Variants in SPCS2 observed in about 807,000 individuals in gnomAD.
The protein encoded by SPCS2 is SPase 25 kDa subunit.
SPCS2 carries 3 observed loss-of-function variants against 22.3 expected under a neutral mutation model. The ratio of observed to expected loss-of-function variants is 0.13; its 90% CI spans 0.06 to 0.35. The LOEUF is 0.35. SPCS2 is among the 10% of genes least tolerant of loss of function. SPCS2 has a pLI of 1.00. For missense variants in SPCS2, 169 were observed against 280.9 expected (o/e 0.60, Z 2.85); for synonymous variants, 67 against 97.2 (o/e 0.69, Z 1.83).
At chr11:74,956,263 A>T (rs1003195675) in intron 1 of SPCS2, among the ~76,000 whole-genome samples, 1 of 152,066 alleles carries the variant, frequency 6.6e-6, no homozygotes, top group Non-Finnish European at 1.5e-5. Context: ...TGACTTCTAC[A>T]TTTATATTCT....
chr11:74,961,513 G>T (rs559394204), intron 1 of SPCS2, among the ~76,000 whole-genome samples: 26 of 151,022 alleles, frequency 1.7e-4, no homozygotes, highest in Non-Finnish European at 2.7e-4. Flanking sequence ...CAGTCAGCTT[G>T]TTTTTTGTTG....
At position 74,951,140 on chromosome 11, in the gene SPCS2, G is replaced by A. The variant is rs967315411; in HGVS notation, c.114+1741G>A. 5.9e-5 allele frequency among the ~76,000 whole-genome samples: 9 copies of A among 152,176 alleles called. No individual in the cohort carries two copies. In the South Asian group the frequency reaches 6.2e-4, roughly 11 times the overall value. ...CACCATTGTGTTATTGAAAGAACCC[G>A]GATGTGGGGATCATAAGATTTCAGC... On this transcript the variant is annotated intron_variant, in intron 1 of 4. Transcript: ENST00000263672.
At chr11:74,974,122 T>A (rs942350596) in intron 4 of SPCS2, among the ~76,000 whole-genome samples, 1 of 151,730 alleles carries the variant, frequency 6.6e-6, no homozygotes, top group African/African-American at 2.4e-5. Flanking sequence ...TTTTTTTTTT[T>A]AACTAGGCTT....
At chr11:74,954,518 C>T (rs1329260330) in intron 1 of SPCS2, among the ~76,000 whole-genome samples, 1 of 152,196 alleles carries the variant, frequency 6.6e-6, no homozygotes, top group African/African-American at 2.4e-5. Flanking sequence ...TAGGTATCTC[C>T]TCTTTTACTC....
intron 3 of SPCS2, among the ~76,000 whole-genome samples, chr11:74,969,132 CTT>C (rs776437408): frequency 2.0e-5 from 3 of 152,234 alleles, no homozygotes; most frequent in Non-Finnish European, 4.4e-5. Flanking sequence ...GACATACTCT[CTT>C]ATAGTAAACT....
intron 1 of SPCS2, among the ~76,000 whole-genome samples, chr11:74,952,085 CTG>C (rs916600985): frequency 1.3e-5 from 2 of 152,078 alleles, no homozygotes; most frequent in African/African-American, 4.8e-5. Flanking sequence ...GGTTTTGAGA[CTG>C]TGTAAAGTGG....
intron 1 of SPCS2, among the ~76,000 whole-genome samples, chr11:74,955,144 T>C (rs899929902): frequency 6.6e-5 from 10 of 152,170 alleles, no homozygotes; most frequent in Admixed American, 6.5e-4. Context: ...TAAAATGTGG[T>C]GGCACTCTTG....
Position 74,965,935 on chromosome 11 carries a change from T to C in SPCS2, c.359+12T>C. ...TTGTGTGTCATATCATATCCTTTATTTATGCTCAGGTTGTTTTCTAGTGAC... is the reference window on the plus strand; with the variant it reads ...TTGTGTGTCATATCATATCCTTTATCTATGCTCAGGTTGTTTTCTAGTGAC... On this transcript the variant is annotated intron_variant, in intron 3 of 4. Transcript: ENST00000263672. 6.3e-7 allele frequency: 1 copy of C among 1,592,772 alleles called. No homozygotes were observed. Among genetic ancestry groups the C allele is most frequent in the Non-Finnish European group, 8.5e-7 (1 of 1,171,844 alleles).
intron 2 of SPCS2, 35 bp from the exon 3 acceptor site, chr11:74,965,728 T>C: frequency 3.2e-6 from 5 of 1,560,080 alleles, no homozygotes; most frequent in Non-Finnish European, 4.4e-6. Context: ...GGAGGAAGTA[T>C]TCCTATTAGC....
chr11:74,971,843 T>G (rs1338939657), intron 4 of SPCS2, among the ~76,000 whole-genome samples: 1 of 152,238 alleles, frequency 6.6e-6, no homozygotes, highest in African/African-American at 2.4e-5. Flanking sequence ...TCTCCAGCTT[T>G]CTTTTATGCC....
Position 74,949,317 on chromosome 11 carries a change from G to T in SPCS2, c.32G>T (p.Ser11Ile), listed in dbSNP as rs1204573880. 6.4e-7 allele frequency: 1 copy of T among 1,550,496 alleles called. No individual in the cohort carries two copies. The highest frequency in any genetic ancestry group is 8.7e-7 in the Non-Finnish European group (1 of 1,146,646). The change falls in exon 1 of 5, where the codon AGC becomes ATC. Residue 11 changes from serine to isoleucine, a missense_variant. Coordinates refer to ENST00000263672, the MANE Select transcript of SPCS2 (RefSeq NM_014752.3). MAAAAVQGGRSGGSGGCSGAG... is the reference protein window; with the variant it reads MAAAAVQGGRIGGSGGCSGAG... ...GCGGCAGCTGTACAGGGCGGGAGAA[G>T]CGGTGGTAGCGGAGGCTGTAGTGGG... is the stretch of plus-strand genomic sequence containing the variant.
At chr11:74,958,089 G>A (rs148907200) in intron 1 of SPCS2, among the ~76,000 whole-genome samples, 2 of 152,300 alleles carry the variant, frequency 1.3e-5, no homozygotes, top group East Asian at 3.9e-4. Flanking sequence ...AGTCATGTAG[G>A]CTTCTCTATT....
intron 4 of SPCS2, among the ~76,000 whole-genome samples, chr11:74,974,696 G>A (rs1432243509): frequency 1.3e-5 from 2 of 151,988 alleles, no homozygotes; most frequent in Non-Finnish European, 2.9e-5. Flanking sequence ...CTCGCTGCAA[G>A]CTCCGCCTCC....
In SPCS2 at chr11:74,974,850, G is replaced by A. The variant is rs571721868; in HGVS notation, c.495-2007G>A. Among the ~76,000 whole-genome samples, 234 of 152,138 alleles carry A rather than the reference G, an allele frequency of 1.5e-3. 2 individuals are homozygous for A. Among genetic ancestry groups the A allele is most frequent in the African/African-American group, 5.4e-3 (223 of 41,506 alleles). ...AGGATGGTCTGGATCTCCTGACCTC[G>A]TGATCTGCCCGCCTTGGCCTCCCAA... is the stretch of plus-strand genomic sequence containing the variant. On this transcript the variant is annotated intron_variant, in intron 4 of 4. Transcript: ENST00000263672.
At chr11:74,961,887 G>A (rs997535767) in intron 1 of SPCS2, among the ~76,000 whole-genome samples, 6 of 152,172 alleles carry the variant, frequency 3.9e-5, no homozygotes, top group African/African-American at 1.4e-4. Context: ...GCCACAATCT[G>A]CTTTGGGATT....
Position 74,965,920 on chromosome 11 carries a change from T to C in SPCS2, c.356T>C (p.Ile119Thr). 6.2e-7 allele frequency: 1 copy of C among 1,602,430 alleles called. No individual in the cohort carries two copies. Among genetic ancestry groups the C allele is most frequent in the South Asian group, 1.1e-5 (1 of 87,954 alleles). The stretch of plus-strand genomic sequence containing the variant: ...AAACCCGTTTTGGCTTTGTGTGTCA[T>C]ATCATATCCTTTATTTATGCTCAGG... ...ESKPVLALCV[I>T]SYFVMMGILT... The change falls in exon 3 of 5, where the codon ATA (isoleucine) becomes ACA (threonine). Residue 119 changes from isoleucine to threonine, a missense_variant. Ile to Thr is a moderately conservative substitution (Grantham distance 89). Transcript: ENST00000263672.
chr11:74,955,899 G>T (rs1948476601), intron 1 of SPCS2, among the ~76,000 whole-genome samples: 2 of 61,856 alleles, frequency 3.2e-5, no homozygotes, highest in East Asian at 5.8e-4. Flanking sequence ...TGCCTGCCTA[G>T]GTACCTTTTT....
At chr11:74,961,126 A>G (rs192866356) in intron 1 of SPCS2, among the ~76,000 whole-genome samples, 2 of 152,226 alleles carry the variant, frequency 1.3e-5, no homozygotes, top group African/African-American at 4.8e-5. Context: ...GAGGGAGACA[A>G]TACATACAGT....
Position 74,964,953 on chromosome 11 carries a change from G to A in SPCS2, c.115-81G>A, listed in dbSNP as rs1948535087. On this transcript the variant is annotated intron_variant, in intron 1 of 4. Coordinates refer to ENST00000263672, the MANE Select transcript of SPCS2 (RefSeq NM_014752.3). ...GAGTAAATATTATATGTGCATGAGG[G>A]ATGCTCTTAAAAAATGGTTCATTTT... The A allele has an allele frequency of 4.6e-6, 4 of 866,592 alleles. No individual in the cohort carries two copies. In the Admixed American group the frequency reaches 7.0e-5, roughly 15 times the overall value. 53.7% of individuals were successfully genotyped at this position (866,592 alleles called of 1,614,324 possible). A position where few individuals can be genotyped will look rare whatever the true frequency, so the allele number is the denominator to read the frequency against.
Sources: allele counts gnomAD v4.1 joint callset (sites outside exome capture counted in the v4.1 genomes callset), GRCh38; gene constraint gnomAD v4.1.1; transcripts MANE v1.5; gene names NCBI Gene and HGNC (gene_info 2026-07-23, HGNC 2026-07-21).